The following SNX24 variants were observed in gnomAD, a reference collection of about 807,000 sequenced individuals.
SNX24 encodes the protein sorting nexin 24, also known as sorting nexin-24.
Under a neutral mutation model 28.7 loss-of-function variants are expected in SNX24, and 22 were observed. That is an observed-to-expected ratio of 0.77 (90% CI 0.55 to 1.10). The LOEUF (loss-of-function observed/expected upper bound fraction) is 1.10, where lower values mean the gene tolerates loss of function less well. Ranked by LOEUF, SNX24 falls within the 50% of genes least tolerant of loss-of-function variation. SNX24 has a pLI of 0.00. For synonymous variants in SNX24, 69 were observed against 71.5 expected (o/e 0.96, Z 0.18); for missense variants, 221 against 201.1 (o/e 1.10, Z -0.60).
At chr5:123,011,931 A>G (rs1199067947), downstream of SNX24, among the ~76,000 whole-genome samples, 1 of 152,200 alleles carries the variant, frequency 6.6e-6, no homozygotes, top group East Asian at 1.9e-4. Flanking sequence ...CTTAGTTCCC[A>G]TAATCACCAC....
chr5:122,962,381 T>C (rs770506429), intron 3 of SNX24, among the ~76,000 whole-genome samples: 28 of 152,362 alleles, frequency 1.8e-4, no homozygotes, highest in Non-Finnish European at 3.5e-4. Context: ...CAAAATATGG[T>C]ATATACTTTA....
chr5:122,882,496 G>A (rs950398614), intron 1 of SNX24, among the ~76,000 whole-genome samples: 1 of 152,190 alleles, frequency 6.6e-6, no homozygotes, highest in African/African-American at 2.4e-5. Flanking sequence ...TGGATAGAGA[G>A]CCCTCTAGGC....
intron 1 of SNX24, among the ~76,000 whole-genome samples, chr5:122,906,250 C>T (rs1222821273): frequency 6.6e-6 from 1 of 152,206 alleles, no homozygotes; most frequent in East Asian, 1.9e-4. Context: ...CTCCACTTAG[C>T]ACCCCATACC....
intron 3 of SNX24, among the ~76,000 whole-genome samples, chr5:122,997,689 A>G (rs192648189): frequency 2.0e-5 from 3 of 152,356 alleles, no homozygotes; most frequent in Non-Finnish European, 2.9e-5. Context: ...TGACACGTCT[A>G]AAGATCCTGG....
intron 1 of SNX24, among the ~76,000 whole-genome samples, chr5:122,877,535 A>T (rs1561536980): frequency 6.6e-6 from 1 of 152,176 alleles, no homozygotes. Flanking sequence ...GGTAGCTGAA[A>T]TAAAAAGATA....
intron 3 of SNX24, among the ~76,000 whole-genome samples, chr5:122,958,533 C>T (rs539607212): frequency 3.1e-4 from 47 of 152,076 alleles, no homozygotes; most frequent in African/African-American, 9.9e-4. Flanking sequence ...GGATTACAGG[C>T]GTGTGAGCCA....
At chr5:122,857,603 C>T (rs1296235522) in intron 1 of SNX24, among the ~76,000 whole-genome samples, 1 of 152,062 alleles carries the variant, frequency 6.6e-6, no homozygotes, top group African/African-American at 2.4e-5. Flanking sequence ...TTGTTCCCCT[C>T]TATGTGTCCA....
At chr5:122,931,730 G>A (rs1758967453) in intron 1 of SNX24, among the ~76,000 whole-genome samples, 1 of 151,930 alleles carries the variant, frequency 6.6e-6, no homozygotes, top group African/African-American at 2.4e-5. Context: ...TGGAACCTTG[G>A]GCTTAAATCT....
downstream of SNX24, among the ~76,000 whole-genome samples, chr5:123,014,151 C>T (rs151004107): frequency 9.9e-5 from 15 of 152,144 alleles, no homozygotes; most frequent in East Asian, 2.7e-3. Context: ...CCCTAATCAG[C>T]CTCACAATAG....
chr5:122,964,247 C>CAAAAAAAAA (rs34174497), intron 3 of SNX24, among the ~76,000 whole-genome samples: 114 of 36,420 alleles, frequency 3.1e-3, no homozygotes, highest in East Asian at 5.2e-3. Flanking sequence ...GACTCCATCT[C>CAAAAAAAAA]AAAAAAAAAA....
At chr5:122,899,691 G>A (rs1189263789) in intron 1 of SNX24, among the ~76,000 whole-genome samples, 7 of 152,092 alleles carry the variant, frequency 4.6e-5, no homozygotes, top group Non-Finnish European at 8.8e-5. Flanking sequence ...TTACAGGCGC[G>A]AGGCACTGTG....
intron 1 of SNX24, among the ~76,000 whole-genome samples, chr5:122,847,502 CT>C (rs1183386656): frequency 1.5e-4 from 20 of 130,764 alleles, no homozygotes; most frequent in Admixed American, 3.2e-4. Flanking sequence ...CTCTCTCTCT[CT>C]TTTTTTTTTT....
At chr5:122,962,007 A>G (rs1291021113) in intron 3 of SNX24, among the ~76,000 whole-genome samples, 4 of 152,230 alleles carry the variant, frequency 2.6e-5, no homozygotes, top group Non-Finnish European at 4.4e-5. Context: ...ATTTTATGGT[A>G]ATTCTATAAG....
Position 122,904,270 on chromosome 5 carries a change from C to A in SNX24, c.61-32464C>A, listed in dbSNP as rs541553805. 6.6e-5 allele frequency among the ~76,000 whole-genome samples: 10 copies of A among 152,156 alleles called. No homozygotes were observed. In the East Asian group the frequency reaches 1.9e-3, roughly 29 times the overall value. On this transcript the variant is annotated intron_variant, in intron 1 of 6. Transcript: ENST00000261369. ...CAATCTCGGCTCGCCACGGCCTCTGCCCCCTGAGTTCAAGGGATTCTCCTG... is the reference window on the plus strand; with the variant it reads ...CAATCTCGGCTCGCCACGGCCTCTGACCCCTGAGTTCAAGGGATTCTCCTG...
intron 5 of SNX24, chr5:123,025,913 A>T: frequency 6.2e-7 from 1 of 1,612,792 alleles, no homozygotes; most frequent in South Asian, 1.1e-5. Context: ...ACCCAATGCC[A>T]TAGTGCTTCA....
At chr5:122,981,770 C>T (rs1761404492) in intron 3 of SNX24, among the ~76,000 whole-genome samples, 2 of 152,204 alleles carry the variant, frequency 1.3e-5, no homozygotes, top group African/African-American at 2.4e-5. Context: ...CTCTGCCTCC[C>T]GGGCTCAAGT....
intron 1 of SNX24, among the ~76,000 whole-genome samples, chr5:122,906,777 G>A (rs1757661104): frequency 6.6e-6 from 1 of 152,218 alleles, no homozygotes; most frequent in Admixed American, 6.5e-5. Context: ...CAAAGTGCTG[G>A]GATTACAGGC....
chr5:122,913,911 C>A (rs954361442), intron 1 of SNX24, among the ~76,000 whole-genome samples: 3 of 152,196 alleles, frequency 2.0e-5, no homozygotes, highest in Non-Finnish European at 2.9e-5. Flanking sequence ...AGCTGGAGAC[C>A]ACCCCGGCCA....
chr5:122,998,113 A>C (rs1396865235), intron 3 of SNX24: 2 of 152,340 alleles, frequency 1.3e-5, no homozygotes, highest in South Asian at 4.1e-4. Context: ...AAGGAAATTT[A>C]ATTGAAATAG....
Sources: allele counts gnomAD v4.1 joint callset (sites outside exome capture counted in the v4.1 genomes callset), GRCh38; gene constraint gnomAD v4.1.1; transcripts MANE v1.5; gene names NCBI Gene and HGNC (gene_info 2026-07-23, HGNC 2026-07-21).